Variants in TMEM87B observed in about 807,000 individuals in gnomAD.
The protein encoded by TMEM87B is transmembrane protein 87B.
TMEM87B carries 83 observed loss-of-function variants against 80.3 expected under a neutral mutation model. The ratio of observed to expected loss-of-function variants is 1.03; its 90% CI spans 0.87 to 1.24. TMEM87B has a LOEUF of 1.24. Ranked by LOEUF, TMEM87B falls within the 50% of genes most tolerant of loss-of-function variation. The pLI is 0.00. For synonymous variants in TMEM87B, 219 were observed against 230.5 expected (o/e 0.95, Z 0.45); for missense variants, 625 against 674.4 (o/e 0.93, Z 0.81).
At chr2:112,064,786 T>A (rs1678368684) in intron 3 of TMEM87B, among the ~76,000 whole-genome samples, 1 of 152,202 alleles carries the variant, frequency 6.6e-6, no homozygotes, top group Non-Finnish European at 1.5e-5. Context: ...CAGCAAGGTG[T>A]TTCTCTTGAT....
chr2:112,071,119 C>T (rs773968878), intron 4 of TMEM87B, among the ~76,000 whole-genome samples: 8 of 151,926 alleles, frequency 5.3e-5, no homozygotes, highest in South Asian at 2.1e-4. Context: ...CCACTGCGCC[C>T]GGCTGAGCAT....
chr2:112,112,651 A>C (rs1419505876), intron 17 of TMEM87B, among the ~76,000 whole-genome samples: 1 of 152,230 alleles, frequency 6.6e-6, no homozygotes, highest in Non-Finnish European at 1.5e-5. Context: ...TTTGCTGTAT[A>C]GTATTCCATT....
chr2:112,106,283 C>G (rs1408951718), intron 16 of TMEM87B, among the ~76,000 whole-genome samples: 1 of 150,784 alleles, frequency 6.6e-6, no homozygotes, highest in Non-Finnish European at 1.5e-5. Context: ...GATCTCACTT[C>G]TCACCTGCTG....
intron 8 of TMEM87B, among the ~76,000 whole-genome samples, chr2:112,085,029 G>A (rs1341881014): frequency 2.6e-5 from 4 of 152,236 alleles, no homozygotes; most frequent in African/African-American, 9.6e-5. Context: ...GCATTGCTGT[G>A]TTCCCATAAA....
chr2:112,096,520 A>G (rs970234212), intron 11 of TMEM87B, among the ~76,000 whole-genome samples: 1 of 152,230 alleles, frequency 6.6e-6, no homozygotes, highest in Non-Finnish European at 1.5e-5. Context: ...AAAGCCCTTA[A>G]CTAAGTCCAG....
Position 112,089,649 on chromosome 2 carries a change from C to G in TMEM87B, c.963C>G (p.His321Gln). 1 of 1,614,146 alleles carries G rather than the reference C, an allele frequency of 6.2e-7. No individual in the cohort carries two copies. Among genetic ancestry groups the G allele is most frequent in the Non-Finnish European group, 8.5e-7 (1 of 1,180,018 alleles). ...GGCCTCGTTTAGGAACAGTCATGCA[C>G]CGGGTGATCGGACTGGGGCTTCTAT... The part of the protein sequence containing the change: ...IVKPRLGTVM[H>Q]RVIGLGLLYL... The change falls in exon 10 of 19, where the codon CAC becomes CAG. Residue 321 changes from histidine (H) to glutamine (Q), a missense_variant. Transcript: ENST00000283206.
At chr2:112,070,982 C>T (rs546998353) in intron 4 of TMEM87B, among the ~76,000 whole-genome samples, 54 of 151,796 alleles carry the variant, frequency 3.6e-4, no homozygotes, top group African/African-American at 1.2e-3. Flanking sequence ...CCACCATGCC[C>T]GGCTAATTTT....
intron 4 of TMEM87B, among the ~76,000 whole-genome samples, chr2:112,072,397 C>T (rs1410878838): frequency 6.6e-6 from 1 of 152,136 alleles, no homozygotes; most frequent in Non-Finnish European, 1.5e-5. Context: ...AGCTGTGAAT[C>T]CATCTGGTCT....
intron 4 of TMEM87B, among the ~76,000 whole-genome samples, chr2:112,069,246 C>T (rs561051614): frequency 2.7e-5 from 4 of 147,684 alleles, no homozygotes; most frequent in Admixed American, 1.3e-4. Context: ...ATTTGTTGTA[C>T]GAATTATTTC....
intron 4 of TMEM87B, among the ~76,000 whole-genome samples, chr2:112,069,052 C>G (rs574841801): frequency 6.6e-6 from 1 of 151,238 alleles, no homozygotes; most frequent in Non-Finnish European, 1.5e-5. Flanking sequence ...ATTAGCCGGG[C>G]GCGGTGGCGG....
At chr2:112,073,197 C>T (rs1447124260) in intron 4 of TMEM87B, among the ~76,000 whole-genome samples, 6 of 152,066 alleles carry the variant, frequency 3.9e-5, no homozygotes, top group African/African-American at 9.7e-5. Context: ...TGTGAGCTAC[C>T]GCACCCAGCC....
At chr2:112,058,377 T>A (rs1678146658) in intron 1 of TMEM87B, among the ~76,000 whole-genome samples, 1 of 152,154 alleles carries the variant, frequency 6.6e-6, no homozygotes, top group Non-Finnish European at 1.5e-5. Flanking sequence ...AGTTCAGGAC[T>A]GGAGGGGGTA....
chr2:112,069,361 C>T (rs374679736), intron 4 of TMEM87B, among the ~76,000 whole-genome samples: 12 of 152,228 alleles, frequency 7.9e-5, no homozygotes, highest in African/African-American at 2.6e-4. Context: ...TCTGCTGTTC[C>T]CCTCTTTGTG....
At chr2:112,099,537 TATATATATATATATATATAC>T (rs1403717158) in intron 14 of TMEM87B, among the ~76,000 whole-genome samples, 4 of 103,126 alleles carry the variant, frequency 3.9e-5, no homozygotes, top group African/African-American at 1.8e-4. Context: ...TATATATATA[TATATATATATATATATATAC>T]ACACACACAC....
chr2:112,110,453 TATTTA>T (rs1362570623), intron 17 of TMEM87B, among the ~76,000 whole-genome samples: 1 of 152,186 alleles, frequency 6.6e-6, no homozygotes, highest in Non-Finnish European at 1.5e-5. Flanking sequence ...TAAGTTATTG[TATTTA>T]ATTTGGAGTA....
At chr2:112,088,040 T>C (rs1370905891) in intron 9 of TMEM87B, among the ~76,000 whole-genome samples, 1 of 152,228 alleles carries the variant, frequency 6.6e-6, no homozygotes, top group Non-Finnish European at 1.5e-5. Context: ...GGGCCCAGGC[T>C]CAGGCCTCTG....
intron 13 of TMEM87B, 72 bp from the exon 14 acceptor site, chr2:112,098,523 C>T: frequency 1.4e-6 from 2 of 1,382,162 alleles, no homozygotes; most frequent in East Asian, 2.3e-5. Flanking sequence ...TGTCATTGTA[C>T]ATTATTTGAA....
At chr2:112,056,628 AAAT>A (rs1312660196) in intron 1 of TMEM87B, among the ~76,000 whole-genome samples, 1 of 152,234 alleles carries the variant, frequency 6.6e-6, no homozygotes, top group African/African-American at 2.4e-5. Flanking sequence ...CACATGCATG[AAAT>A]AATGTCCAGG....
intron 11 of TMEM87B, among the ~76,000 whole-genome samples, chr2:112,093,451 C>T (rs1233005952): frequency 1.3e-5 from 2 of 152,112 alleles, no homozygotes; most frequent in Non-Finnish European, 2.9e-5. Flanking sequence ...CATGACAGGG[C>T]AGTTAAAGAC....
Sources: allele counts gnomAD v4.1 joint callset (sites outside exome capture counted in the v4.1 genomes callset), GRCh38; gene constraint gnomAD v4.1.1; transcripts MANE v1.5; gene names NCBI Gene and HGNC (gene_info 2026-07-23, HGNC 2026-07-21).